Variants in MSRA observed in about 807,000 individuals in gnomAD.
MSRA encodes the protein methionine sulfoxide reductase A.
In MSRA, 54 loss-of-function variants were observed where a neutral mutation model predicts 31.3. The ratio of observed to expected loss-of-function variants is 1.73; its 90% confidence interval spans 1.39 to 2.17. The LOEUF (loss-of-function observed/expected upper bound fraction) is 2.17, where lower values mean the gene tolerates loss of function less well. MSRA is among the 30% of genes most tolerant of loss of function. The pLI, the probability that MSRA is intolerant of heterozygous loss-of-function variation, is 0.00. For synonymous variants in MSRA, 169 were observed against 116.5 expected (o/e 1.45, Z -2.90); for missense variants, 507 against 300.9 (o/e 1.69, Z -5.07).
At position 10,236,967 on chromosome 8, in the gene MSRA, C is replaced by T. The variant is rs139661963; in HGVS notation, c.212-8137C>T. On this transcript the variant is annotated intron_variant, in intron 2 of 5. Transcript: ENST00000317173. The stretch of plus-strand genomic sequence containing the variant: ...TTCATAGTAGTAAAATAAAACCTTG[C>T]GTAAGTCCTCATTCTACCACATGTT... Among the ~76,000 whole-genome samples the T allele has an allele frequency of 5.2e-3, 788 of 152,274 alleles. 6 individuals carry two copies. Among genetic ancestry groups the T allele is most frequent in the African/African-American group, 0.017 (727 of 41,560 alleles).
chr8:10,144,146 G>C (rs1266928196), intron 1 of MSRA, among the ~76,000 whole-genome samples: 2 of 152,194 alleles, frequency 1.3e-5, no homozygotes, highest in African/African-American at 4.8e-5. Flanking sequence ...GGAAAGTCAG[G>C]TTAAAGGAAC....
At chr8:10,245,020 C>A in intron 2 of MSRA, 84 bp from the exon 3 acceptor site, 1 of 1,235,968 alleles carries the variant, frequency 8.1e-7, no homozygotes, top group Non-Finnish European at 1.1e-6. Flanking sequence ...TTTTTTTCTT[C>A]ATGTAACAGG....
Position 10,054,524 on chromosome 8 carries a change from C to A in MSRA, c.8C>A (p.Ser3Ter), listed in dbSNP as rs1244491731. ...TTCGGCTGGCGCCCTCCCATGCTCT[C>A]GGCCACCCGGAGGGCTTGCCAGCTC... ML[S>*]ATRRACQLLL... The change falls in exon 1 of 6, where the codon TCG becomes TAG. Residue 3 changes from serine to a stop codon, truncating the protein, a stop_gained. Transcript: ENST00000317173. LOFTEE classifies it high-confidence loss of function. The A allele has an allele frequency of 6.3e-7, 1 of 1,582,894 alleles. No individual in the cohort carries two copies. The highest frequency in any genetic ancestry group is 1.1e-5 in the South Asian group (1 of 88,580).
chr8:10,128,352 C>T (rs907799436), intron 1 of MSRA, among the ~76,000 whole-genome samples: 18 of 151,750 alleles, frequency 1.2e-4, no homozygotes, highest in African/African-American at 4.1e-4. Flanking sequence ...GCACTCCAGC[C>T]TGGGCGACAA....
At chr8:10,172,535 G>C (rs908866662) in intron 1 of MSRA, among the ~76,000 whole-genome samples, 1 of 152,078 alleles carries the variant, frequency 6.6e-6, no homozygotes, top group African/African-American at 2.4e-5. Flanking sequence ...CGGAGGTTAG[G>C]GAATATGCCA....
At chr8:10,356,917 T>C (rs1804544171) in intron 5 of MSRA, among the ~76,000 whole-genome samples, 1 of 149,658 alleles carries the variant, frequency 6.7e-6, no homozygotes, top group Non-Finnish European at 1.5e-5. Context: ...AAAATATATG[T>C]GTCTTTGAAG....
intron 1 of MSRA, among the ~76,000 whole-genome samples, chr8:10,196,641 C>T (rs1004385399): frequency 6.6e-5 from 10 of 152,302 alleles, no homozygotes; most frequent in African/African-American, 2.4e-4. Flanking sequence ...CCTCTGCCTC[C>T]TGGCTTTAAG....
At chr8:10,231,325 G>A (rs1811455956) in intron 2 of MSRA, among the ~76,000 whole-genome samples, 1 of 152,040 alleles carries the variant, frequency 6.6e-6, no homozygotes, top group South Asian at 2.1e-4. Flanking sequence ...TGAGTAAGAG[G>A]GAAGCACAGA....
At chr8:10,071,243 G>A (rs1035787448) in intron 1 of MSRA, among the ~76,000 whole-genome samples, 3 of 152,058 alleles carry the variant, frequency 2.0e-5, no homozygotes, top group Non-Finnish European at 2.9e-5. Context: ...TTTTTATTTC[G>A]TTGGTGGATA....
chr8:10,332,451 T>TCCCCCCCCCCCCCC (rs373121180), intron 5 of MSRA, among the ~76,000 whole-genome samples: 3 of 146,492 alleles, frequency 2.0e-5, no homozygotes, highest in African/African-American at 5.1e-5. Context: ...AAAAGAAAAA[T>TCCCCCCCCCCCCCC]CCCCCCTCCC....
intron 2 of MSRA, among the ~76,000 whole-genome samples, chr8:10,244,619 T>A (rs750259138): frequency 6.6e-6 from 1 of 152,186 alleles, no homozygotes; most frequent in Non-Finnish European, 1.5e-5. Flanking sequence ...AACACATATG[T>A]GACATTGTTA....
chr8:10,365,264 C>A (rs1259127833), intron 5 of MSRA, among the ~76,000 whole-genome samples: 1 of 152,106 alleles, frequency 6.6e-6, no homozygotes, highest in Admixed American at 6.5e-5. Flanking sequence ...TGTACCCCTC[C>A]CCCGCTCCCT....
chr8:10,142,980 T>A (rs1391095209), intron 1 of MSRA, among the ~76,000 whole-genome samples: 2 of 152,200 alleles, frequency 1.3e-5, no homozygotes, highest in Non-Finnish European at 2.9e-5. Flanking sequence ...ACCCTGATCC[T>A]TTATTTTGCT....
At chr8:10,355,891 C>T (rs1804479181) in intron 5 of MSRA, among the ~76,000 whole-genome samples, 1 of 152,178 alleles carries the variant, frequency 6.6e-6, no homozygotes, top group South Asian at 2.1e-4. Flanking sequence ...GTTCCATAGG[C>T]ACCGGGCTCC....
At chr8:10,184,076 T>A (rs1806803600) in intron 1 of MSRA, among the ~76,000 whole-genome samples, 1 of 151,180 alleles carries the variant, frequency 6.6e-6, no homozygotes, top group South Asian at 2.1e-4. Flanking sequence ...TGGTTTTTTG[T>A]TGGTGTTATT....
At chr8:10,321,803 C>T (rs947480690) in intron 5 of MSRA, among the ~76,000 whole-genome samples, 1 of 152,150 alleles carries the variant, frequency 6.6e-6, no homozygotes, top group Non-Finnish European at 1.5e-5. Context: ...CTTCGAATCC[C>T]CTCAACCCCA....
intron 5 of MSRA, among the ~76,000 whole-genome samples, chr8:10,400,396 T>TAGTGC (rs1807385177): frequency 6.6e-6 from 1 of 151,566 alleles, no homozygotes; most frequent in South Asian, 2.1e-4. Flanking sequence ...GTGTGTAGTG[T>TAGTGC]GTAGGGAAAG....
chr8:10,106,040 A>T (rs1799859514), intron 1 of MSRA, among the ~76,000 whole-genome samples: 1 of 152,308 alleles, frequency 6.6e-6, no homozygotes, highest in Non-Finnish European at 1.5e-5. Context: ...TCTTTCCACA[A>T]TCCTATAGGA....
At chr8:10,261,109 A>C (rs1798455981) in intron 3 of MSRA, among the ~76,000 whole-genome samples, 1 of 152,192 alleles carries the variant, frequency 6.6e-6, no homozygotes, top group Non-Finnish European at 1.5e-5. Flanking sequence ...AGATATATTT[A>C]GGTTGCTGTA....
Sources: gnomAD v4.1 joint callset for allele counts (sites outside exome capture counted in the v4.1 genomes callset) on GRCh38, gnomAD v4.1.1 for gene constraint, MANE v1.5 for transcripts, NCBI Gene and HGNC (gene_info 2026-07-23, HGNC 2026-07-21) for gene names.